Variants in GBP3 observed in about 807,000 individuals in gnomAD.
GBP3 encodes the protein guanylate-binding protein 3.
Under a neutral mutation model 62.4 loss-of-function variants are expected in GBP3, and 55 were observed. That is an observed-to-expected ratio of 0.88 (90% CI 0.71 to 1.10). The LOEUF (loss-of-function observed/expected upper bound fraction) is 1.10. Ranked by LOEUF, GBP3 falls within the 50% of genes least tolerant of loss-of-function variation. GBP3 has a pLI of 0.00. For missense variants in GBP3, 605 were observed against 690.6 expected, an observed-to-expected ratio of 0.88 and a Z score of 1.39; for synonymous variants, 208 against 259.2, an observed-to-expected ratio of 0.80 and a Z score of 1.90.
rs1553178199 is a variant in GBP3, at chr1:89,021,510, G to GCACGCACACACA, written c.-22-768_-22-767insTGTGTGTGCGTG. Among the ~76,000 whole-genome samples, 3 of 131,738 alleles carry GCACGCACACACA rather than the reference G, an allele frequency of 2.3e-5. 1 individual carries two copies. Among genetic ancestry groups the GCACGCACACACA allele is most frequent in the African/African-American group, 9.0e-5 (3 of 33,290 alleles). The allele number at this position is 131,738 out of a possible 152,430, so 86.4% of individuals were successfully genotyped here. ...CTAAGAAACACGCATGCGCGCGCGC[G>GCACGCACACACA]CACACACACACACACACACACACAC... On this transcript the variant is annotated intron_variant, in intron 1 of 10. Transcript: ENST00000370481.
chr1:89,009,144 T>G lies in GBP3; in HGVS notation c.1466-4A>C. ...GATTCAGCTTTTACACATTCCACTGTGGAGGAAGAAGAAACATTTGTGTGG... is the reference window on the plus strand; with the variant it reads ...GATTCAGCTTTTACACATTCCACTGGGGAGGAAGAAGAAACATTTGTGTGG... On this transcript the variant is annotated splice_polypyrimidine_tract_variant and splice_region_variant and intron_variant, in intron 9 of 10. Coordinates refer to ENST00000370481, the MANE Select transcript of GBP3 (RefSeq NM_018284.3). 1.2e-6 allele frequency: 2 copies of G among 1,612,966 alleles called. No homozygotes were observed. Among genetic ancestry groups the G allele is most frequent in the Non-Finnish European group, 8.5e-7 (1 of 1,179,250 alleles).
chr1:89,021,624 A>T (rs922789610), intron 1 of GBP3, among the ~76,000 whole-genome samples: 9 of 152,238 alleles, frequency 5.9e-5, no homozygotes, highest in Admixed American at 5.9e-4. Flanking sequence ...CAGGAAGCAC[A>T]TAAAGAGAGC....
At chr1:89,020,404 G>C (rs1240569884) in intron 2 of GBP3, 128 bp downstream of exon 2, 1 of 1,050,764 alleles carries the variant, frequency 9.5e-7, no homozygotes, top group East Asian at 2.5e-5. Context: ...TGAAGATAAG[G>C]AGCCCAACTG....
At chr1:89,021,824 A>G (rs1219226068) in intron 1 of GBP3, among the ~76,000 whole-genome samples, 1 of 144,946 alleles carries the variant, frequency 6.9e-6, no homozygotes, top group African/African-American at 2.8e-5. Context: ...AGAGAGAGAG[A>G]GAGAGAGAAA....
chr1:89,008,159 C>T (rs1318597486), intron 10 of GBP3, among the ~76,000 whole-genome samples: 1 of 151,892 alleles, frequency 6.6e-6, no homozygotes, highest in Non-Finnish European at 1.5e-5. Flanking sequence ...TTCAAATCTT[C>T]CCTATGCATT....
intron 6 of GBP3, 46 bp downstream of exon 6, chr1:89,013,130 GCCTGGCCAT>G: frequency 2.5e-6 from 4 of 1,578,066 alleles, no homozygotes; most frequent in Non-Finnish European, 1.7e-6. Context: ...GAACCATCAT[GCCTGGCCAT>G]CCTTTAGTTT....
intron 1 of GBP3, among the ~76,000 whole-genome samples, chr1:89,021,287 G>C (rs777080347): frequency 1.3e-5 from 2 of 152,088 alleles, no homozygotes; most frequent in Non-Finnish European, 2.9e-5. Flanking sequence ...TTCTGGAAGT[G>C]GAACCAATGT....
At position 89,013,311 on chromosome 1, in the gene GBP3, G is replaced by T; in HGVS notation, c.742C>A (p.Leu248Ile). ...AGCTCTTCATCTTGTAGTTTCTCAA[G>T]CTGGGCAAGCTTCCTGCGGTGAATG... ...LPIHRRKLAQ[L>I]EKLQDEELDP... is the part of the protein sequence containing the mutation. The change falls in exon 6 of 11, where the codon CTT becomes ATT. Residue 248 changes from leucine to isoleucine, a missense_variant. This residue lies in a region of GBP3 where 308 missense variants were observed against 318.0 expected (regional missense o/e 0.97). Coordinates refer to ENST00000370481, the MANE Select transcript of GBP3 (RefSeq NM_018284.3). 1 of 1,614,208 alleles carries T rather than the reference G, an allele frequency of 6.2e-7. No individual in the cohort carries two copies. Among genetic ancestry groups the T allele is most frequent in the Non-Finnish European group, 8.5e-7 (1 of 1,180,034 alleles).
At chr1:89,014,867 A>G (rs1390137759) in intron 3 of GBP3, among the ~76,000 whole-genome samples, 1 of 152,244 alleles carries the variant, frequency 6.6e-6, no homozygotes, top group Non-Finnish European at 1.5e-5. Flanking sequence ...ACTGATTCTC[A>G]CCAGGTCCTC....
chr1:89,016,468 G>A (rs536859864), intron 2 of GBP3, among the ~76,000 whole-genome samples: 3 of 152,180 alleles, frequency 2.0e-5, no homozygotes, highest in South Asian at 2.1e-4. Flanking sequence ...GCAGTGAGCC[G>A]AGATTGTGCC....
At chr1:89,010,500 C>T (rs1279397658) in intron 8 of GBP3, among the ~76,000 whole-genome samples, 1 of 137,946 alleles carries the variant, frequency 7.2e-6, no homozygotes, top group Non-Finnish European at 1.7e-5. Context: ...GCTCACTGAA[C>T]CTCCCGGGCT....
At chr1:89,009,315 T>A in intron 9 of GBP3, 77 bp downstream of exon 9, 1 of 1,493,624 alleles carries the variant, frequency 6.7e-7, no homozygotes, top group East Asian at 2.5e-5. Context: ...TCAAATTATT[T>A]AAAATTTTAA....
chr1:89,013,098 A>G, intron 6 of GBP3, 87 bp downstream of exon 6: 2 of 1,458,960 alleles, frequency 1.4e-6, no homozygotes, highest in Non-Finnish European at 1.9e-6. Context: ...TCGGCCTCCC[A>G]AAGTGCTGGG....
intron 2 of GBP3, among the ~76,000 whole-genome samples, chr1:89,017,376 G>T (rs1332338249): frequency 1.3e-5 from 2 of 149,884 alleles, no homozygotes; most frequent in African/African-American, 2.4e-5. Context: ...AACTCAAAAT[G>T]GATCAAAGAA....
chr1:89,017,396 A>G (rs1433228438), intron 2 of GBP3, among the ~76,000 whole-genome samples: 1 of 152,156 alleles, frequency 6.6e-6, no homozygotes, highest in African/African-American at 2.4e-5. Context: ...ACTAACCATT[A>G]GAGCTAAAAC....
At chr1:89,022,423 A>G (rs1679296059) in intron 1 of GBP3, among the ~76,000 whole-genome samples, 1 of 152,212 alleles carries the variant, frequency 6.6e-6, no homozygotes, top group Admixed American at 6.5e-5. Flanking sequence ...TCAAACTCTC[A>G]GTTTAGTTGC....
In GBP3 at chr1:89,007,527, G is replaced by C. The variant is rs1369749606; in HGVS notation, c.*197C>G. ...TGATCCCTCCTCTGTTGGTACAGAG[G>C]TAAATGCATCTTTGTTGCACAATTT... On this transcript the variant is annotated 3_prime_UTR_variant, in exon 11 of 11. Coordinates refer to ENST00000370481, the MANE Select transcript of GBP3 (RefSeq NM_018284.3). 5.4e-6 allele frequency: 3 copies of C among 553,734 alleles called. No homozygotes were observed. The highest frequency in any genetic ancestry group is 9.5e-6 in the Non-Finnish European group (3 of 314,992). 34.3% of individuals were successfully genotyped at this position (553,734 alleles called of 1,614,324 possible).
At chr1:89,014,054 C>T (rs772244380) in intron 5 of GBP3, 29 bp downstream of exon 5, 2 of 1,603,532 alleles carry the variant, frequency 1.2e-6, no homozygotes, top group South Asian at 1.1e-5. Flanking sequence ...TTTTGTCGTC[C>T]TCATTTATCA....
Position 89,020,725 on chromosome 1 carries a change from C to T in GBP3, c.-4G>A, listed in dbSNP as rs757686744. ...TCATGTGGATCTCTGGAGCCATGTC[C>T]AGGGCATTGTTCTCTTGTCTGCAAG... On this transcript the variant is annotated 5_prime_UTR_variant, in exon 2 of 11. An upstream open reading frame in the 5' UTR gains an earlier in-frame stop. Coordinates refer to ENST00000370481, the MANE Select transcript of GBP3 (RefSeq NM_018284.3). 5 of 1,613,184 alleles carry T rather than the reference C, an allele frequency of 3.1e-6. No homozygotes were observed. Among genetic ancestry groups the T allele is most frequent in the Non-Finnish European group, 4.2e-6 (5 of 1,179,406 alleles).
Sources: gnomAD v4.1 joint callset for allele counts (sites outside exome capture counted in the v4.1 genomes callset) on GRCh38, gnomAD v4.1.1 for gene constraint, gnomAD v4.1.1 regional missense constraint, MANE v1.5 for transcripts, NCBI Gene and HGNC (gene_info 2026-07-23, HGNC 2026-07-21) for gene names.